The following PRAMEF15 variants were observed in gnomAD, a reference collection of about 807,000 sequenced individuals.
The protein encoded by PRAMEF15 is PRAME family member 15, also known as PRAME family member 9/15.
A neutral mutation model predicts 35.3 loss-of-function variants in PRAMEF15; 21 were observed. The observed-to-expected ratio is 0.59, with a 90% CI of 0.42 to 0.86. The LOEUF is 0.86. PRAMEF15 is among the 40% of genes least tolerant of loss of function. The pLI, the probability that PRAMEF15 is intolerant of heterozygous loss-of-function variation, is 0.00. For missense variants in PRAMEF15, 360 were observed against 574.1 expected (o/e 0.63, Z 3.81); for synonymous variants, 122 against 223.3 (o/e 0.55, Z 4.05).
intron 1 of PRAMEF15, among the ~76,000 whole-genome samples, chr1:13,317,425 C>A (rs2797722): frequency 8.6e-5 from 13 of 151,288 alleles, no homozygotes; most frequent in Admixed American, 4.0e-4. Context: ...ATCTATCTTG[C>A]GAATGATGCA....
chr1:13,320,089 G>A lies in PRAMEF15; in HGVS notation c.875+136G>A, dbSNP rs1324201449. 8 of 1,562,480 alleles carry A rather than the reference G, an allele frequency of 5.1e-6. No individual in the cohort carries two copies. The East Asian group carries it at 1.1e-4, about 22-fold the overall frequency. On this transcript the variant is annotated intron_variant, in intron 3 of 3. Coordinates refer to ENST00000376152, the MANE Select transcript of PRAMEF15 (RefSeq NM_001098376.3). ...CACTAGAATGTCCATGCATTGTCCT[G>A]TTGGTGGCCCTGTCCTGAAATGGGT...
intron 3 of PRAMEF15, among the ~76,000 whole-genome samples, chr1:13,321,477 A>C (rs1301382217): frequency 1.3e-5 from 2 of 151,776 alleles, no homozygotes; most frequent in African/African-American, 4.8e-5. Context: ...AGCCTCCCAA[A>C]GTGCTGGGAT....
At chr1:13,320,805 C>T (rs1640074187) in intron 3 of PRAMEF15, among the ~76,000 whole-genome samples, 1 of 152,142 alleles carries the variant, frequency 6.6e-6, no homozygotes, top group African/African-American at 2.4e-5. Flanking sequence ...CAAACCTGCA[C>T]ATGTCAGAAA....
chr1:13,320,463 G>A (rs1305376107), intron 3 of PRAMEF15, among the ~76,000 whole-genome samples: 3 of 151,986 alleles, frequency 2.0e-5, no homozygotes, highest in South Asian at 2.1e-4. Context: ...CACTTTGATC[G>A]TCCAGGCTAC....
intron 3 of PRAMEF15, 44 bp from the exon 4 acceptor site, chr1:13,321,659 C>A (rs1293400078): frequency 4.4e-6 from 7 of 1,603,284 alleles, no homozygotes; most frequent in African/African-American, 1.3e-5. Context: ...CCTCCACTCA[C>A]CCCTATGATT....
At chr1:13,320,181 G>T (rs1220575020) in intron 3 of PRAMEF15, among the ~76,000 whole-genome samples, 3 of 152,070 alleles carry the variant, frequency 2.0e-5, no homozygotes, top group Non-Finnish European at 4.4e-5. Context: ...AGGCTGCCAT[G>T]CTAGGAAGCT....
intron 1 of PRAMEF15, among the ~76,000 whole-genome samples, chr1:13,317,925 AAG>A (rs1640028047): frequency 1.3e-5 from 2 of 151,614 alleles, no homozygotes; most frequent in Admixed American, 1.3e-4. Flanking sequence ...AAGAGAGAGA[AAG>A]AGAAAGCAAG....
chr1:13,318,772 G>T, intron 2 of PRAMEF15, 72 bp downstream of exon 2: 1 of 1,594,132 alleles, frequency 6.3e-7, no homozygotes, highest in East Asian at 2.3e-5. Flanking sequence ...GTCATGTGAA[G>T]TGAGGAGGCC....
In PRAMEF15 at chr1:13,322,344, C is replaced by G; in HGVS notation, c.*80C>G. 2.3e-6 allele frequency: 2 copies of G among 874,312 alleles called. No homozygotes were observed. Among genetic ancestry groups the G allele is most frequent in the Non-Finnish European group, 3.5e-6 (2 of 573,142 alleles). 54.2% of individuals were successfully genotyped at this position (874,312 alleles called of 1,614,324 possible). On this transcript the variant is annotated 3_prime_UTR_variant, in exon 4 of 4. Coordinates refer to ENST00000376152, the MANE Select transcript of PRAMEF15 (RefSeq NM_001098376.3). Reference sequence around the variant, plus strand: ...CTAAAACCTAGGTCTTAGGTACATCCTAAAGGGAGCACAGAACCCATCATT... The same window carrying G: ...CTAAAACCTAGGTCTTAGGTACATCGTAAAGGGAGCACAGAACCCATCATT...
chr1:13,319,370 A>G lies in PRAMEF15; in HGVS notation c.294-2A>G. The G allele has an allele frequency of 6.2e-7, 1 of 1,610,564 alleles. No homozygotes were observed. The highest frequency in any genetic ancestry group is 2.2e-5 in the East Asian group (1 of 44,826). The stretch of plus-strand genomic sequence containing the variant: ...CTCAGTCTCACCTCTATTTTGCCAC[A>G]GGAGGTGGAAACTCCAAGTGCTGGA... On this transcript the variant is annotated splice_acceptor_variant, in intron 2 of 3. Coordinates refer to ENST00000376152, the MANE Select transcript of PRAMEF15 (RefSeq NM_001098376.3). LOFTEE classifies it high-confidence loss of function.
Position 13,322,085 on chromosome 1 carries a change from G to A in PRAMEF15, c.1258G>A (p.Glu420Lys), listed in dbSNP as rs1640091929. 1.9e-6 allele frequency: 3 copies of A among 1,608,286 alleles called. 1 individual carries two copies. Among genetic ancestry groups the A allele is most frequent in the Admixed American group, 1.7e-5 (1 of 59,738 alleles). Reference sequence around the variant, plus strand: ...TGTGGAGCTGTATCCTGCCCCCCGAGAGAGTTATGGTGCTGATGGTACTCT... The same window carrying A: ...TGTGGAGCTGTATCCTGCCCCCCGAAAGAGTTATGGTGCTGATGGTACTCT... ...LCVELYPAPR[E>K]SYGADGTLCW... is the part of the protein sequence containing the mutation. The change falls in exon 4 of 4, where the codon GAG (glutamate) becomes AAG (lysine). Residue 420 changes from glutamate to lysine, a missense_variant. By Grantham distance (56) the Glu-to-Lys change is moderately conservative. Coordinates refer to ENST00000376152, the MANE Select transcript of PRAMEF15 (RefSeq NM_001098376.3).
At chr1:13,317,483 A>G (rs1336809656) in intron 1 of PRAMEF15, among the ~76,000 whole-genome samples, 1 of 152,012 alleles carries the variant, frequency 6.6e-6, no homozygotes, top group Non-Finnish European at 1.5e-5. Flanking sequence ...ATTTTCAATA[A>G]TGAGGCTGGG....
At position 13,318,521 on chromosome 1, in the gene PRAMEF15, C is replaced by A. The variant is rs1640036037; in HGVS notation, c.114C>A (p.Phe38Leu). The A allele has an allele frequency of 1.9e-6, 3 of 1,613,986 alleles. No individual in the cohort carries two copies. The South Asian group carries it at 3.3e-5, about 18-fold the overall frequency. ...TGGAGGAGCTGCCCACAGAACTTTT[C>A]CCCCCACTGTTCATGGAGGCCTTCA... ...STLEELPTEL[F>L]PPLFMEAFSR... The change falls in exon 2 of 4, where the codon TTC becomes TTA. Residue 38 changes from phenylalanine to leucine, a missense_variant. Physicochemically the swap from Phe to Leu is conservative, Grantham distance 22. This residue lies in a region of PRAMEF15 where 31 missense variants were observed against 46.4 expected (regional missense o/e 0.67). Coordinates refer to ENST00000376152, the MANE Select transcript of PRAMEF15 (RefSeq NM_001098376.3).
At chr1:13,320,149 AGCT>A (rs1640063679) in intron 3 of PRAMEF15, among the ~76,000 whole-genome samples, 196 bp downstream of exon 3, 1 of 152,246 alleles carries the variant, frequency 6.6e-6, no homozygotes, top group Non-Finnish European at 1.5e-5. Flanking sequence ...CAGAGGGATC[AGCT>A]AGGGGAGATG....
At position 13,318,493 on chromosome 1, in the gene PRAMEF15, C is replaced by T. The variant is rs1427126667; in HGVS notation, c.86C>T (p.Thr29Ile). The T allele has an allele frequency of 6.2e-7, 1 of 1,613,994 alleles. No individual in the cohort carries two copies. Among genetic ancestry groups the T allele is most frequent in the African/African-American group, 1.3e-5 (1 of 74,906 alleles). Residue 29 changes from threonine to isoleucine, a missense_variant, in exon 2 of 4, where the codon ACC becomes ATC. Thr to Ile is a moderately conservative substitution (Grantham distance 89). Transcript: ENST00000376152. Reference sequence around the variant, plus strand: ...AGGGACCAAGCTTTGGCCATGTCCACCCTGGAGGAGCTGCCCACAGAACTT... The same window carrying T: ...AGGGACCAAGCTTTGGCCATGTCCATCCTGGAGGAGCTGCCCACAGAACTT... ...LLRDQALAMSTLEELPTELFP... is the reference protein window; with the variant it reads ...LLRDQALAMSILEELPTELFP...
chr1:13,317,015 G>C (rs1447571541), intron 1 of PRAMEF15, among the ~76,000 whole-genome samples: 5 of 150,192 alleles, frequency 3.3e-5, no homozygotes, highest in African/African-American at 5.0e-5. Flanking sequence ...TATTCTTTAA[G>C]AAAGCCAAAA....
rs1249789056 is a variant in PRAMEF15 at position 13,320,278 on chromosome 1, A to G, written c.875+325A>G. 2.3e-4 allele frequency among the ~76,000 whole-genome samples: 35 copies of G among 151,964 alleles called. No homozygotes were observed. The South Asian group carries it at 2.7e-3, about 12-fold the overall frequency. ...TCTAAGTTAAGATGATGAAAAATACACCAGGGGCGGTGGCTCATGCCTGTA... is the reference window on the plus strand; with the variant it reads ...TCTAAGTTAAGATGATGAAAAATACGCCAGGGGCGGTGGCTCATGCCTGTA... On this transcript the variant is annotated intron_variant, in intron 3 of 3. Coordinates refer to ENST00000376152, the MANE Select transcript of PRAMEF15 (RefSeq NM_001098376.3).
rs1294711517 is a variant in PRAMEF15 at position 13,315,816 on chromosome 1, G to T, written c.-17+158G>T. ...AAGCTTTGAATTTTTTCCTCTAAAT[G>T]CAGTTCTGTCTTTATTTCAAAAAAG... On this transcript the variant is annotated intron_variant, in intron 1 of 3. Coordinates refer to ENST00000376152, the MANE Select transcript of PRAMEF15 (RefSeq NM_001098376.3). Among the ~76,000 whole-genome samples, 597 of 149,622 alleles carry T rather than the reference G, an allele frequency of 4.0e-3. 1 individual carries two copies. Among genetic ancestry groups the T allele is most frequent in the Non-Finnish European group, 6.8e-3 (459 of 67,342 alleles).
At chr1:13,316,847 G>A (rs1255421230) in intron 1 of PRAMEF15, among the ~76,000 whole-genome samples, 1 of 151,136 alleles carries the variant, frequency 6.6e-6, no homozygotes, top group Admixed American at 6.6e-5. Context: ...TCTAATATCA[G>A]GAAGAGATTC....
Sources: allele counts gnomAD v4.1 joint callset (sites outside exome capture counted in the v4.1 genomes callset), GRCh38; gene constraint gnomAD v4.1.1; regional missense constraint gnomAD v4.1.1; transcripts MANE v1.5; gene names NCBI Gene and HGNC (gene_info 2026-07-23, HGNC 2026-07-21).